Variants in GNG4 observed in about 807,000 individuals in gnomAD.
GNG4 encodes guanine nucleotide-binding protein G(I)/G(S)/G(O) subunit gamma-4.
In GNG4, 4 loss-of-function variants were observed where a neutral mutation model predicts 5.8. The ratio of observed to expected loss-of-function variants is 0.69; its 90% CI spans 0.34 to 1.57. GNG4 has a LOEUF of 1.57. Among genes scored for constraint, GNG4 ranks in the 40% most tolerant of loss-of-function variants. The pLI is 0.06. For missense variants in GNG4, 96 were observed against 95.1 expected, an observed-to-expected ratio of 1.01 and a Z score of -0.04; for synonymous variants, 29 against 32.9, an observed-to-expected ratio of 0.88 and a Z score of 0.41.
At chr1:235,618,098 C>A (rs1433290189) in intron 1 of GNG4, among the ~76,000 whole-genome samples, 2 of 152,070 alleles carry the variant, frequency 1.3e-5, no homozygotes, top group Admixed American at 6.6e-5. Context: ...CAAGGGTAAT[C>A]AGAAATGGAA....
chr1:235,577,214 C>A (rs915787653), intron 3 of GNG4, among the ~76,000 whole-genome samples: 4 of 152,164 alleles, frequency 2.6e-5, no homozygotes, highest in African/African-American at 9.7e-5. Context: ...CCTGCTGGTA[C>A]CTGCCCTCGC....
chr1:235,618,644 A>C (rs954330284), intron 1 of GNG4, among the ~76,000 whole-genome samples: 9 of 151,406 alleles, frequency 5.9e-5, no homozygotes, highest in Admixed American at 1.3e-4. Flanking sequence ...CCATTGCCTA[A>C]ATTTTTAATC....
At chr1:235,616,904 A>C (rs1202769402) in intron 1 of GNG4, among the ~76,000 whole-genome samples, 2 of 76,110 alleles carry the variant, frequency 2.6e-5, no homozygotes, top group African/African-American at 6.7e-5. Context: ...ACACCTGGCT[A>C]ATTTTTTTTT....
intron 3 of GNG4, among the ~76,000 whole-genome samples, chr1:235,573,522 A>G (rs1204504399): frequency 6.6e-6 from 1 of 152,178 alleles, no homozygotes; most frequent in African/African-American, 2.4e-5. Flanking sequence ...TCACACCTGT[A>G]ATCCCAACAC....
At position 235,548,302 on chromosome 1, in the gene GNG4, T is replaced by C. The variant is rs1386677578; in HGVS notation, c.*3807A>G. 1.3e-5 allele frequency: 2 copies of C among 152,154 alleles called. No individual in the cohort carries two copies. The highest frequency in any genetic ancestry group is 2.9e-5 in the Non-Finnish European group (2 of 68,040). The allele number at this position is 152,154 out of a possible 1,614,324, so 9.4% of individuals were successfully genotyped here. On this transcript the variant is annotated 3_prime_UTR_variant, in exon 4 of 4. Coordinates refer to ENST00000391854, the MANE Select transcript of GNG4 (RefSeq NM_001098722.2). The stretch of plus-strand genomic sequence containing the variant: ...CTGGCTCAAAGAATTGACAGAAAAC[T>C]AGAAGGGAGGTCTGTAGGAAGATAG...
chr1:235,583,886 T>A (rs1276367913), intron 2 of GNG4, 38 bp from the exon 3 acceptor site: 1 of 1,358,878 alleles, frequency 7.4e-7, no homozygotes, highest in Admixed American at 1.7e-5. Context: ...GAAGAGCTGC[T>A]CTTCCAAGGG....
Position 235,570,322 on chromosome 1 carries a change from G to A in GNG4, c.99+13418C>T, listed in dbSNP as rs139600282. Among the ~76,000 whole-genome samples the A allele has an allele frequency of 4.5e-3, 683 of 151,428 alleles. 7 individuals carry two copies. The highest frequency in any genetic ancestry group is 0.016 in the African/African-American group (659 of 41,212). On this transcript the variant is annotated intron_variant, in intron 3 of 3. Coordinates refer to ENST00000391854, the MANE Select transcript of GNG4 (RefSeq NM_001098722.2). ...GTGCCACTCTCCACTCTTTCCAGTG[G>A]TGCTCCCACCTCCCTCCAATTCTTT... is the stretch of plus-strand genomic sequence containing the variant.
intron 2 of GNG4, among the ~76,000 whole-genome samples, chr1:235,587,258 CAG>C (rs1418620385): frequency 7.1e-4 from 45 of 63,474 alleles, no homozygotes; most frequent in African/African-American, 3.2e-3. Flanking sequence ...TGTGTGATGA[CAG>C]TGTATGTGAG....
intron 1 of GNG4, among the ~76,000 whole-genome samples, chr1:235,621,349 T>C (rs1256165335): frequency 3.3e-5 from 5 of 150,190 alleles, no homozygotes; most frequent in Non-Finnish European, 5.9e-5. Context: ...TGGAGTGCAG[T>C]GGCTCAATCT....
intron 1 of GNG4, among the ~76,000 whole-genome samples, chr1:235,605,632 A>T (rs551473556): frequency 1.3e-5 from 2 of 152,250 alleles, no homozygotes; most frequent in East Asian, 3.9e-4. Context: ...CTTTATACTC[A>T]ATTTGAGCCT....
intron 1 of GNG4, among the ~76,000 whole-genome samples, chr1:235,624,444 TAGAA>T (rs1688771358): frequency 6.6e-6 from 1 of 152,062 alleles, no homozygotes; most frequent in Non-Finnish European, 1.5e-5. Context: ...ATTGTTTCAA[TAGAA>T]AGGCTATTTT....
intron 3 of GNG4, among the ~76,000 whole-genome samples, chr1:235,578,959 C>T (rs1024657097): frequency 3.3e-5 from 5 of 151,850 alleles, no homozygotes; most frequent in African/African-American, 4.8e-5. Flanking sequence ...TAGCTGGACG[C>T]GGTGGTGCAC....
rs1378813721 is a variant in GNG4 at position 235,610,768 on chromosome 1, G to A, written c.-122-15257C>T. Among the ~76,000 whole-genome samples the A allele has an allele frequency of 2.6e-5, 4 of 152,030 alleles. No individual in the cohort carries two copies. In the East Asian group the frequency reaches 7.7e-4, roughly 29 times the overall value. ...TTCCTCTTTCTCTCACCCTGGCCAT[G>A]TGTCTCTGTCAAGATAAAAAAAAGC... On this transcript the variant is annotated intron_variant, in intron 1 of 3. Transcript: ENST00000391854.
chr1:235,555,121 T>A (rs1474281498), intron 3 of GNG4, among the ~76,000 whole-genome samples: 1 of 152,194 alleles, frequency 6.6e-6, no homozygotes, highest in Non-Finnish European at 1.5e-5. Flanking sequence ...TAATAATCCA[T>A]GTGTGCTGAA....
chr1:235,557,294 CCCAT>C (rs6143681), intron 3 of GNG4, among the ~76,000 whole-genome samples: 48,598 of 151,812 alleles, frequency 0.32, 8,391 homozygotes, highest in Non-Finnish European at 0.4. Context: ...TTCTCACCTG[CCCAT>C]CCATCCAGTG....
chr1:235,561,047 G>A (rs765031616), intron 3 of GNG4, among the ~76,000 whole-genome samples: 1 of 152,076 alleles, frequency 6.6e-6, no homozygotes, highest in Non-Finnish European at 1.5e-5. Flanking sequence ...GTCTCACTCT[G>A]TCGCCAGGCT....
intron 3 of GNG4, among the ~76,000 whole-genome samples, chr1:235,575,116 C>T (rs1009809096): frequency 6.6e-6 from 1 of 152,142 alleles, no homozygotes; most frequent in African/African-American, 2.4e-5. Flanking sequence ...TGAGCCACTG[C>T]GCCTCGCCAC....
intron 3 of GNG4, among the ~76,000 whole-genome samples, chr1:235,573,379 C>T (rs1177901988): frequency 4.0e-5 from 6 of 151,162 alleles, no homozygotes; most frequent in African/African-American, 7.3e-5. Context: ...ATGTAAATGA[C>T]GAGTTAATGG....
At chr1:235,598,620 T>C (rs1179903734) in intron 1 of GNG4, among the ~76,000 whole-genome samples, 1 of 151,544 alleles carries the variant, frequency 6.6e-6, no homozygotes, top group Non-Finnish European at 1.5e-5. Flanking sequence ...ACCCCAAAAA[T>C]ATAAAATTAA....
Sources: gnomAD v4.1 joint callset for allele counts (sites outside exome capture counted in the v4.1 genomes callset) on GRCh38, gnomAD v4.1.1 for gene constraint, MANE v1.5 for transcripts, NCBI Gene and HGNC (gene_info 2026-07-23, HGNC 2026-07-21) for gene names.